The following SEPTIN11 variants were observed in gnomAD, a reference collection of about 807,000 sequenced individuals.
SEPTIN11 encodes septin-11.
Under a neutral mutation model 51.4 loss-of-function variants are expected in SEPTIN11, and 25 were observed. The ratio of observed to expected loss-of-function variants is 0.49; its 90% CI spans 0.35 to 0.68. SEPTIN11 has a LOEUF of 0.68. Among genes scored for constraint, SEPTIN11 ranks in the 30% least tolerant of loss-of-function variants. The pLI is 0.00. For missense variants in SEPTIN11, 381 were observed against 520.8 expected, an observed-to-expected ratio of 0.73 and a Z score of 2.61; for synonymous variants, 174 against 184.1, an observed-to-expected ratio of 0.95 and a Z score of 0.44.
intron 6 of SEPTIN11, 119 bp downstream of exon 6, chr4:77,019,380 A>T: frequency 1.1e-5 from 8 of 703,464 alleles, no homozygotes; most frequent in Non-Finnish European, 1.6e-5. Flanking sequence ...AGTGGGAGGG[A>T]GTGGTGGGGC....
In SEPTIN11 at chr4:76,995,936, A is replaced by G. The variant is rs1183043565; in HGVS notation, c.28-489A>G. On this transcript the variant is annotated intron_variant, in intron 1 of 9. Coordinates refer to ENST00000264893, the MANE Select transcript of SEPTIN11 (RefSeq NM_018243.4). The stretch of plus-strand genomic sequence containing the variant: ...GAGAAGTTTTAAATATGCTGCATTT[A>G]TGGTAGGTAGAGCATTGTCATCATT... The G allele has an allele frequency of 5.9e-6, 9 of 1,535,566 alleles. No homozygotes were observed. In the Admixed American group the frequency reaches 1.8e-4, roughly 30 times the overall value.
chr4:76,953,295 T>G (rs1721420861), intron 1 of SEPTIN11, among the ~76,000 whole-genome samples: 1 of 152,174 alleles, frequency 6.6e-6, no homozygotes, highest in African/African-American at 2.4e-5. Flanking sequence ...CTTTATTGTT[T>G]GAGAGATTTG....
At chr4:76,982,612 T>C (rs1374860970) in intron 1 of SEPTIN11, among the ~76,000 whole-genome samples, 1 of 152,236 alleles carries the variant, frequency 6.6e-6, no homozygotes, top group East Asian at 1.9e-4. Flanking sequence ...TGTCTAACCC[T>C]GTAATCTTTG....
Position 77,015,074 on chromosome 4 carries a change from C to T in SEPTIN11, c.687+57C>T. On this transcript the variant is annotated intron_variant, in intron 5 of 9. Transcript: ENST00000264893. The stretch of plus-strand genomic sequence containing the variant: ...TTTTTATGAACGCCTGTCTTAGTAG[C>T]AGCATTGTAGAGTGGCTGGAGCACT... The T allele has an allele frequency of 1.9e-6, 3 of 1,567,014 alleles. No individual in the cohort carries two copies. The Admixed American group carries it at 5.1e-5, about 27-fold the overall frequency.
intron 1 of SEPTIN11, among the ~76,000 whole-genome samples, chr4:76,970,810 C>T (rs771308494): frequency 1.3e-5 from 2 of 152,150 alleles, no homozygotes; most frequent in Non-Finnish European, 2.9e-5. Flanking sequence ...AGGGCCTTCC[C>T]CTGGGCTTTT....
chr4:76,954,094 CA>C (rs1721460639), intron 1 of SEPTIN11, among the ~76,000 whole-genome samples: 1 of 152,210 alleles, frequency 6.6e-6, no homozygotes, highest in Non-Finnish European at 1.5e-5. Context: ...GCAAAAGGAA[CA>C]AATGATTGTG....
At chr4:77,004,911 C>T (rs1186287890) in intron 2 of SEPTIN11, among the ~76,000 whole-genome samples, 3 of 152,050 alleles carry the variant, frequency 2.0e-5, no homozygotes, top group African/African-American at 4.8e-5. Flanking sequence ...TGCAGTGAGC[C>T]GAGATCGCGC....
chr4:76,950,241 T>A (rs547620642), intron 1 of SEPTIN11, among the ~76,000 whole-genome samples: 2 of 152,332 alleles, frequency 1.3e-5, no homozygotes, highest in Admixed American at 1.3e-4. Flanking sequence ...CGCCTCCCTC[T>A]GCCCGCGCAC....
intron 1 of SEPTIN11, among the ~76,000 whole-genome samples, chr4:76,967,932 A>G (rs893851835): frequency 3.3e-5 from 5 of 152,300 alleles, no homozygotes; most frequent in South Asian, 2.1e-4. Context: ...GATTTCTCCA[A>G]TACAGGCCCG....
At chr4:76,957,052 A>G (rs186631114) in intron 1 of SEPTIN11, among the ~76,000 whole-genome samples, 346 of 150,828 alleles carry the variant, frequency 2.3e-3, no homozygotes, top group Admixed American at 5.5e-3. Flanking sequence ...AGCCACAATG[A>G]ATTGAAGTCA....
At position 77,036,921 on chromosome 4, in the gene SEPTIN11, T is replaced by G; in HGVS notation, c.*2409T>G. 1 of 1,335,238 alleles carries G rather than the reference T, an allele frequency of 7.5e-7. No individual in the cohort carries two copies. The highest frequency in any genetic ancestry group is 9.5e-7 in the Non-Finnish European group (1 of 1,048,164). The allele number at this position is 1,335,238 out of a possible 1,614,324, so 82.7% of individuals were successfully genotyped here. On this transcript the variant is annotated 3_prime_UTR_variant, in exon 10 of 10. Coordinates refer to ENST00000264893, the MANE Select transcript of SEPTIN11 (RefSeq NM_018243.4). ...CAAATGGGATGGATAGATTTTTTTT[T>G]TCTTTTCAAGGGGGGCAGGAAGGTA...
At chr4:77,014,734 T>C (rs77622508) in intron 4 of SEPTIN11, 122 bp from the exon 5 acceptor site, 10,798 of 938,030 alleles carry the variant, frequency 0.012, 433 homozygotes, top group East Asian at 0.11. Context: ...TTGATATAAG[T>C]AGGAAACATC....
chr4:77,030,905 G>A lies in SEPTIN11; in HGVS notation c.1209G>A (p.Gln403=). ...NNFQKKKAAA[Q]LLQSQAQQSG... ...TCCAGAAGAAGAAAGCAGCGGCTCA[G>A]TTACTACAGTCCCAGGCCCAGCAAT... Residue 403 remains glutamine, a synonymous_variant, in exon 9 of 10, where the codon CAG becomes CAA. Transcript: ENST00000264893. 1 of 1,613,588 alleles carries A rather than the reference G, an allele frequency of 6.2e-7. No homozygotes were observed. Among genetic ancestry groups the A allele is most frequent in the Middle Eastern group, 1.7e-4 (1 of 6,042 alleles).
At chr4:76,955,651 G>A (rs932049151) in intron 1 of SEPTIN11, among the ~76,000 whole-genome samples, 1 of 152,182 alleles carries the variant, frequency 6.6e-6, no homozygotes. Flanking sequence ...AAGAAAATCT[G>A]CAGACTACTA....
chr4:77,025,576 A>C (rs1250919027), intron 7 of SEPTIN11, among the ~76,000 whole-genome samples: 1 of 151,810 alleles, frequency 6.6e-6, no homozygotes, highest in Non-Finnish European at 1.5e-5. Context: ...ATCACTTTGG[A>C]TATCTTTACT....
chr4:77,010,674 A>G (rs1724798270), intron 3 of SEPTIN11, among the ~76,000 whole-genome samples: 1 of 152,166 alleles, frequency 6.6e-6, no homozygotes, highest in Admixed American at 6.5e-5. Flanking sequence ...GTTCCCTTTC[A>G]AGGGTTTCAG....
chr4:77,036,612 G>A lies in SEPTIN11; in HGVS notation c.*2100G>A, dbSNP rs983418158. 17 of 1,453,184 alleles carry A rather than the reference G, an allele frequency of 1.2e-5. No homozygotes were observed. In the Admixed American group the frequency reaches 2.3e-4, roughly 20 times the overall value. The allele number at this position is 1,453,184 out of a possible 1,614,324, so 90.0% of individuals were successfully genotyped here. On this transcript the variant is annotated 3_prime_UTR_variant, in exon 10 of 10. Transcript: ENST00000264893. The stretch of plus-strand genomic sequence containing the variant: ...TTCCCAGCAAAATAAATCATATGGC[G>A]AGTCAGGGAATAAAAAGTCAAAAGA...
chr4:76,957,611 A>C (rs1392087144), intron 1 of SEPTIN11, among the ~76,000 whole-genome samples: 1 of 152,152 alleles, frequency 6.6e-6, no homozygotes, highest in Non-Finnish European at 1.5e-5. Context: ...TGAAATAGTA[A>C]TGGCTTTATA....
intron 1 of SEPTIN11, among the ~76,000 whole-genome samples, chr4:76,966,293 C>T (rs887795456): frequency 2.0e-5 from 3 of 152,152 alleles, no homozygotes; most frequent in Non-Finnish European, 4.4e-5. Context: ...ACAGTTGAAT[C>T]CACAGTAGGG....
Sources: gnomAD v4.1 joint callset for allele counts (sites outside exome capture counted in the v4.1 genomes callset) on GRCh38, gnomAD v4.1.1 for gene constraint, MANE v1.5 for transcripts, NCBI Gene and HGNC (gene_info 2026-07-23, HGNC 2026-07-21) for gene names.